ZDHHC14: variants seen among roughly 807,000 people sequenced by gnomAD.
ZDHHC14 encodes zDHHC palmitoyltransferase 14, also known as palmitoyltransferase ZDHHC14.
Under a neutral mutation model 47.7 loss-of-function variants are expected in ZDHHC14, and 16 were observed. The ratio of observed to expected loss-of-function variants is 0.34; its 90% confidence interval spans 0.23 to 0.51. The LOEUF (loss-of-function observed/expected upper bound fraction) is 0.51, where lower values mean the gene tolerates loss of function less well. ZDHHC14 is among the 20% of genes least tolerant of loss of function. The pLI, the probability that ZDHHC14 is intolerant of heterozygous loss-of-function variation, is 0.97. For synonymous variants in ZDHHC14, 293 were observed against 278.9 expected (o/e 1.05, Z -0.50); for missense variants, 515 against 662.5 (o/e 0.78, Z 2.44).
intron 1 of ZDHHC14, among the ~76,000 whole-genome samples, chr6:157,428,757 G>A (rs567698717): frequency 1.5e-3 from 222 of 152,234 alleles, no homozygotes; most frequent in Non-Finnish European, 2.0e-3. Context: ...ATTGTTAGTC[G>A]TTACCTGTTC....
chr6:157,548,424 G>T (rs1782075203), intron 2 of ZDHHC14, among the ~76,000 whole-genome samples: 1 of 133,698 alleles, frequency 7.5e-6, no homozygotes, highest in African/African-American at 2.8e-5. Flanking sequence ...TCTTGTTTTT[G>T]TTGTTGTTGT....
chr6:157,650,426 GAGGAGA>G (rs1777772096), intron 7 of ZDHHC14, among the ~76,000 whole-genome samples: 1 of 152,056 alleles, frequency 6.6e-6, no homozygotes, highest in Non-Finnish European at 1.5e-5. Context: ...TCCAGGTGAG[GAGGAGA>G]AGGACGGGCA....
chr6:157,431,583 T>G (rs1778339554), intron 1 of ZDHHC14, among the ~76,000 whole-genome samples: 1 of 152,198 alleles, frequency 6.6e-6, no homozygotes, highest in African/African-American at 2.4e-5. Flanking sequence ...ATTGCTAGTG[T>G]GGGTCATATT....
At chr6:157,638,607 T>C (rs1777094540) in intron 5 of ZDHHC14, among the ~76,000 whole-genome samples, 1 of 152,180 alleles carries the variant, frequency 6.6e-6, no homozygotes, top group South Asian at 2.1e-4. Context: ...ACAGCCACCA[T>C]GGGCAAAACC....
intron 3 of ZDHHC14, among the ~76,000 whole-genome samples, chr6:157,594,884 A>T (rs746406097): frequency 3.3e-5 from 5 of 152,124 alleles, no homozygotes; most frequent in Non-Finnish European, 7.4e-5. Context: ...TACCTGTAGG[A>T]GTTCTCAACA....
At chr6:157,453,790 G>GTGTGTGTGTGTGTGTGTA (rs758132162) in intron 1 of ZDHHC14, among the ~76,000 whole-genome samples, 3 of 97,354 alleles carry the variant, frequency 3.1e-5, no homozygotes, top group African/African-American at 1.5e-4. Flanking sequence ...TTTGTGTTTT[G>GTGTGTGTGTGTGTGTGTA]TGTGTGTGTG....
intron 1 of ZDHHC14, among the ~76,000 whole-genome samples, chr6:157,516,297 T>C (rs1187213197): frequency 6.6e-6 from 1 of 152,252 alleles, no homozygotes; most frequent in Non-Finnish European, 1.5e-5. Context: ...AGCGATGCTG[T>C]GAACATCCGT....
intron 2 of ZDHHC14, among the ~76,000 whole-genome samples, chr6:157,572,669 G>T (rs1052840653): frequency 8.9e-6 from 1 of 112,366 alleles, no homozygotes; most frequent in African/African-American, 3.6e-5. Context: ...AACAGTCCCC[G>T]GTGTGTGATG....
chr6:157,645,262 C>G (rs908011234), intron 5 of ZDHHC14, among the ~76,000 whole-genome samples: 2 of 152,146 alleles, frequency 1.3e-5, no homozygotes, highest in African/African-American at 4.8e-5. Context: ...AGGGGAGACG[C>G]CTGTTGGCAC....
intron 1 of ZDHHC14, among the ~76,000 whole-genome samples, chr6:157,515,079 G>A (rs1419455413): frequency 6.6e-6 from 1 of 152,198 alleles, no homozygotes; most frequent in Admixed American, 6.5e-5. Flanking sequence ...GTCCTGGGCT[G>A]GGGAAGTTGA....
chr6:157,629,332 C>T (rs534581622), intron 4 of ZDHHC14: 2 of 152,376 alleles, frequency 1.3e-5, no homozygotes, highest in Admixed American at 6.5e-5. Context: ...AGCCTTGCCT[C>T]TTGTCCGCAT....
chr6:157,608,402 G>A (rs1477520936), intron 3 of ZDHHC14, among the ~76,000 whole-genome samples: 1 of 151,922 alleles, frequency 6.6e-6, no homozygotes. Context: ...GGTACAGGGA[G>A]GTGAGTGACA....
chr6:157,640,253 A>AAATT lies in ZDHHC14; in HGVS notation c.753-5482_753-5481insTTAA, dbSNP rs568954925. 3.1e-3 allele frequency among the ~76,000 whole-genome samples: 471 copies of AAATT among 152,328 alleles called. 3 individuals carry two copies. The highest frequency in any genetic ancestry group is 0.01 in the African/African-American group (433 of 41,574). ...TCATGACTTATTGTTCAGCTCTCTT[A>AAATT]AAATGTGGAGAGTTTTTTGTGGTTG... On this transcript the variant is annotated intron_variant, in intron 5 of 8. Coordinates refer to ENST00000359775, the MANE Select transcript of ZDHHC14 (RefSeq NM_024630.3).
intron 2 of ZDHHC14, among the ~76,000 whole-genome samples, chr6:157,580,340 A>T (rs1783467052): frequency 1.3e-5 from 2 of 151,576 alleles, no homozygotes; most frequent in South Asian, 2.1e-4. Context: ...TTCATTTGGG[A>T]TATTGGCCTG....
At chr6:157,487,747 AGGCAGAG>A (rs1308044135) in intron 1 of ZDHHC14, among the ~76,000 whole-genome samples, 6 of 152,204 alleles carry the variant, frequency 3.9e-5, no homozygotes, top group Non-Finnish European at 7.3e-5. Context: ...TATTATTATT[AGGCAGAG>A]GCAAGAGCTA....
rs1472189514 is a variant in ZDHHC14 at position 157,382,234 on chromosome 6, C to G, written c.213C>G (p.Ile71Met). The change falls in exon 1 of 9, where the codon ATC (isoleucine) becomes ATG (methionine). Residue 71 changes from isoleucine to methionine, a missense_variant. Coordinates refer to ENST00000359775, the MANE Select transcript of ZDHHC14 (RefSeq NM_024630.3). ...TGVFYLTLVLILVTSGLFFAF... is the reference protein window; with the variant it reads ...TGVFYLTLVLMLVTSGLFFAF... ...TCTTCTACCTGACGCTCGTCCTCAT[C>G]CTGGTCACTAGCGGACTCTTCTTCG... The G allele has an allele frequency of 1.2e-6, 2 of 1,611,998 alleles. No homozygotes were observed. Among genetic ancestry groups the G allele is most frequent in the Non-Finnish European group, 1.7e-6 (2 of 1,179,058 alleles).
intron 7 of ZDHHC14, among the ~76,000 whole-genome samples, chr6:157,651,219 G>A (rs1005833909): frequency 4.6e-5 from 7 of 152,232 alleles, no homozygotes; most frequent in South Asian, 2.1e-4. Flanking sequence ...GGTTGTACCC[G>A]CCCCGAGGCT....
At chr6:157,399,171 C>CT (rs1010184060) in intron 1 of ZDHHC14, among the ~76,000 whole-genome samples, 8 of 148,224 alleles carry the variant, frequency 5.4e-5, no homozygotes, top group Admixed American at 3.4e-4. Context: ...TTTTTTCCAA[C>CT]TTTTTTTCCG....
intron 1 of ZDHHC14, among the ~76,000 whole-genome samples, chr6:157,475,547 T>C (rs1239190633): frequency 6.6e-6 from 1 of 152,182 alleles, no homozygotes; most frequent in Non-Finnish European, 1.5e-5. Flanking sequence ...ATCAGTGTTT[T>C]ATAGTTTTCA....
Sources: gnomAD v4.1 joint callset for allele counts (sites outside exome capture counted in the v4.1 genomes callset) on GRCh38, gnomAD v4.1.1 for gene constraint, MANE v1.5 for transcripts, NCBI Gene and HGNC (gene_info 2026-07-23, HGNC 2026-07-21) for gene names.